Variants in STC1 observed in about 807,000 individuals in gnomAD.
The protein encoded by STC1 is stanniocalcin 1, also known as stanniocalcin-1.
STC1 carries 7 observed loss-of-function variants against 22.6 expected under a neutral mutation model. The ratio of observed to expected loss-of-function variants is 0.31; its 90% CI spans 0.18 to 0.58. STC1 has a LOEUF of 0.58. Among genes scored for constraint, STC1 ranks in the 20% least tolerant of loss-of-function variants. The pLI is 0.89. For missense variants in STC1, 224 were observed against 311.0 expected, an observed-to-expected ratio of 0.72 and a Z score of 2.10; for synonymous variants, 113 against 120.7, an observed-to-expected ratio of 0.94 and a Z score of 0.42.
chr8:23,850,914 T>TC (rs1196941660), intron 3 of STC1, among the ~76,000 whole-genome samples: 26 of 143,206 alleles, frequency 1.8e-4, no homozygotes, highest in Non-Finnish European at 3.2e-4. Context: ...CCAGAGGGCT[T>TC]TTTTTTTTTT....
intron 3 of STC1, among the ~76,000 whole-genome samples, chr8:23,848,056 G>A (rs1802593261): frequency 6.6e-6 from 1 of 152,150 alleles, no homozygotes; most frequent in Non-Finnish European, 1.5e-5. Flanking sequence ...CACTCTCTGA[G>A]CCTTTATTCT....
In STC1 at chr8:23,844,863, A is replaced by G. The variant is rs201067486; in HGVS notation, c.651T>C (p.Asn217=). The G allele has an allele frequency of 7.4e-6, 12 of 1,614,028 alleles. No individual in the cohort carries two copies. In the East Asian group the frequency reaches 2.7e-4, roughly 36 times the overall value. The part of the protein sequence containing the change: ...PRADFNRRRT[N]EPQKLKVLLR... Reference sequence around the variant, plus strand: ...GGAGGACTTTCAGCTTCTGCGGCTCATTGGTGCGTCTCCTGTTGAAGTCAG... The same window carrying G: ...GGAGGACTTTCAGCTTCTGCGGCTCGTTGGTGCGTCTCCTGTTGAAGTCAG... The change falls in exon 4 of 4, where the codon AAT becomes AAC. Residue 217 remains asparagine, a synonymous_variant. Coordinates refer to ENST00000290271, the MANE Select transcript of STC1 (RefSeq NM_003155.3).
chr8:23,849,828 A>G (rs368369515), intron 3 of STC1, among the ~76,000 whole-genome samples: 2 of 152,080 alleles, frequency 1.3e-5, no homozygotes, highest in East Asian at 3.9e-4. Flanking sequence ...CTGGCTAAGA[A>G]TTCTTCATTT....
rs879171015 is a variant in STC1 at position 23,854,717 on chromosome 8, T to C, written c.-194A>G. The C allele has an allele frequency of 6.2e-5, 42 of 676,332 alleles. No individual in the cohort carries two copies. Among genetic ancestry groups the C allele is most frequent in the African/African-American group, 4.3e-4 (24 of 55,614 alleles). 41.9% of individuals were successfully genotyped at this position (676,332 alleles called of 1,614,324 possible). On this transcript the variant is annotated 5_prime_UTR_variant, in exon 1 of 4. Transcript: ENST00000290271. ...CCACCGGTGCCTCCGCTGCTGCTGC[T>C]GCTGCCGCCGCTGCTGCTGCTGCTG... is the stretch of plus-strand genomic sequence containing the variant.
Position 23,845,010 on chromosome 8 carries a change from C to T in STC1, c.504G>A (p.Leu168=). The T allele has an allele frequency of 6.2e-7, 1 of 1,614,128 alleles. No individual in the cohort carries two copies. The highest frequency in any genetic ancestry group is 1.1e-5 in the South Asian group (1 of 91,086). Residue 168 remains leucine (L), a synonymous_variant, in exon 4 of 4, where the codon CTG becomes CTA. Transcript: ENST00000290271. Reference sequence around the variant, plus strand: ...TGCTGACTGTGTCTTCATCACATTCCAGCAGGCTTCGGACAAGTCTGTTAT... The same window carrying T: ...TGCTGACTGTGTCTTCATCACATTCTAGCAGGCTTCGGACAAGTCTGTTAT... ...RYYNRLVRSL[L]ECDEDTVSTI...
intron 2 of STC1, among the ~76,000 whole-genome samples, chr8:23,851,898 G>A (rs1268256512): frequency 6.6e-6 from 1 of 152,088 alleles, no homozygotes; most frequent in Non-Finnish European, 1.5e-5. Context: ...GAACTTCCTT[G>A]CTCTATGCAC....
chr8:23,851,557 A>G, intron 2 of STC1, 26 bp from the exon 3 acceptor site: 2 of 1,611,368 alleles, frequency 1.2e-6, no homozygotes, highest in Non-Finnish European at 1.7e-6. Flanking sequence ...GACAAGAGGG[A>G]GGTCTTTAGC....
At chr8:23,846,608 G>A (rs375391456) in intron 3 of STC1, among the ~76,000 whole-genome samples, 12 of 152,146 alleles carry the variant, frequency 7.9e-5, no homozygotes, top group African/African-American at 2.9e-4. Context: ...AGCATGGAAC[G>A]TGGGTAATGA....
chr8:23,854,705 C>T lies in STC1; in HGVS notation c.-182G>A, dbSNP rs1375402344. On this transcript the variant is annotated 5_prime_UTR_variant, in exon 1 of 4. Coordinates refer to ENST00000290271, the MANE Select transcript of STC1 (RefSeq NM_003155.3). Reference sequence around the variant, plus strand: ...ATGCTGCTGCTGCCACCGGTGCCTCCGCTGCTGCTGCTGCTGCCGCCGCTG... The same window carrying T: ...ATGCTGCTGCTGCCACCGGTGCCTCTGCTGCTGCTGCTGCTGCCGCCGCTG... 11 of 693,912 alleles carry T rather than the reference C, an allele frequency of 1.6e-5. No individual in the cohort carries two copies. Among genetic ancestry groups the T allele is most frequent in the East Asian group, 8.1e-5 (3 of 37,160 alleles). 43.0% of individuals were successfully genotyped at this position (693,912 alleles called of 1,614,324 possible).
chr8:23,854,037 A>T, intron 1 of STC1: 2 of 1,054,178 alleles, frequency 1.9e-6, no homozygotes, highest in Non-Finnish European at 2.3e-6. Flanking sequence ...CAAACAAGCC[A>T]GGTCTTACCT....
At chr8:23,852,513 G>A in intron 1 of STC1, 129 bp from the exon 2 acceptor site, 2 of 981,122 alleles carry the variant, frequency 2.0e-6, no homozygotes, top group Non-Finnish European at 1.5e-6. Flanking sequence ...TGTCATGAGG[G>A]GCAATTGATA....
Position 23,844,521 on chromosome 8 carries a change from G to A in STC1, c.*249C>T, listed in dbSNP as rs753121761. On this transcript the variant is annotated 3_prime_UTR_variant, in exon 4 of 4. Transcript: ENST00000290271. The stretch of plus-strand genomic sequence containing the variant: ...GGGAAAAACATGGCAGAGGAAGTTG[G>A]TAAAAGAGGGTACTTTCTCCTGAGG... The A allele has an allele frequency of 2.7e-5, 14 of 522,260 alleles. No homozygotes were observed. Among genetic ancestry groups the A allele is most frequent in the Non-Finnish European group, 4.4e-5 (13 of 292,290 alleles). The allele number at this position is 522,260 out of a possible 1,614,324, so 32.4% of individuals were successfully genotyped here. A position where few individuals can be genotyped will look rare whatever the true frequency, so the allele number is the denominator to read the frequency against.
rs546996098 is a variant in STC1 at position 23,843,512 on chromosome 8, A to G, written c.*1258T>C. 4 of 152,658 alleles carry G rather than the reference A, an allele frequency of 2.6e-5. No individual in the cohort carries two copies. In the East Asian group the frequency reaches 5.8e-4, roughly 22 times the overall value. The allele number at this position is 152,658 out of a possible 1,614,324, so 9.5% of individuals were successfully genotyped here. Reference sequence around the variant, plus strand: ...GACTCATTCCTGATTGATTTAATGGAAAGTCTCCCACCCCATCATCATTTG... The same window carrying G: ...GACTCATTCCTGATTGATTTAATGGGAAGTCTCCCACCCCATCATCATTTG... On this transcript the variant is annotated 3_prime_UTR_variant, in exon 4 of 4. Transcript: ENST00000290271.
At position 23,844,744 on chromosome 8, in the gene STC1, TG is replaced by T; in HGVS notation, c.*25del. 5 of 1,607,912 alleles carry T rather than the reference TG, an allele frequency of 3.1e-6. No individual in the cohort carries two copies. Among genetic ancestry groups the T allele is most frequent in the Non-Finnish European group, 4.3e-6 (5 of 1,174,892 alleles). On this transcript the variant is annotated 3_prime_UTR_variant, in exon 4 of 4. Coordinates refer to ENST00000290271, the MANE Select transcript of STC1 (RefSeq NM_003155.3). ...CACCCCTAAAATGATACTAGTTTGG[TG>T]AGGTTGTGAATAACCTCTCCCTGGT...
intron 1 of STC1, 161 bp downstream of exon 1, chr8:23,854,245 C>A: frequency 1.1e-6 from 1 of 918,722 alleles, no homozygotes; most frequent in Non-Finnish European, 1.6e-6. Flanking sequence ...AACAAAGGAG[C>A]TCCACTGCCT....
At chr8:23,846,811 G>T (rs575020325) in intron 3 of STC1, among the ~76,000 whole-genome samples, 7 of 152,194 alleles carry the variant, frequency 4.6e-5, no homozygotes, top group Non-Finnish European at 1.0e-4. Context: ...CAAAGCACAT[G>T]AGTCAAAGGA....
chr8:23,849,693 G>C (rs529666816), intron 3 of STC1, among the ~76,000 whole-genome samples: 1 of 152,102 alleles, frequency 6.6e-6, no homozygotes, highest in Non-Finnish European at 1.5e-5. Context: ...GAAATATGCC[G>C]TATTATAGAT....
chr8:23,845,214 A>G (rs1802558339), intron 3 of STC1, among the ~76,000 whole-genome samples, 174 bp from the exon 4 acceptor site: 1 of 152,156 alleles, frequency 6.6e-6, no homozygotes, highest in Non-Finnish European at 1.5e-5. Context: ...ATGTCACCCT[A>G]GTTTCAATGC....
rs1168414198 is a variant in STC1 at position 23,843,173 on chromosome 8, C to T, written c.*1597G>A. The T allele has an allele frequency of 6.6e-6, 1 of 152,534 alleles. No individual in the cohort carries two copies. The highest frequency in any genetic ancestry group is 1.5e-5 in the Non-Finnish European group (1 of 68,048). The allele number at this position is 152,534 out of a possible 1,614,324, so 9.4% of individuals were successfully genotyped here. A position where few individuals can be genotyped will look rare whatever the true frequency, so the allele number is the denominator to read the frequency against. On this transcript the variant is annotated 3_prime_UTR_variant, in exon 4 of 4. Transcript: ENST00000290271. Reference sequence around the variant, plus strand: ...GACGCTCATAAGGGACTGTTGGGTTCAAGGACAGTGACCCTGAGAAACTAC... The same window carrying T: ...GACGCTCATAAGGGACTGTTGGGTTTAAGGACAGTGACCCTGAGAAACTAC...
Sources: allele counts gnomAD v4.1 joint callset (sites outside exome capture counted in the v4.1 genomes callset), GRCh38; gene constraint gnomAD v4.1.1; transcripts MANE v1.5; gene names NCBI Gene and HGNC (gene_info 2026-07-23, HGNC 2026-07-21).